ASTN2: variants seen among roughly 807,000 people sequenced by gnomAD.
The protein encoded by ASTN2 is astrotactin-2.
ASTN2 carries 54 observed loss-of-function variants against 139.8 expected under a neutral mutation model. That is an observed-to-expected ratio of 0.39 (90% CI 0.31 to 0.48). ASTN2 has a LOEUF of 0.48. Ranked by LOEUF, ASTN2 falls within the 20% of genes least tolerant of loss-of-function variation. The pLI, the probability that ASTN2 is intolerant of heterozygous loss-of-function variation, is 0.95. For missense variants in ASTN2, 1,565 were observed against 1,725.1 expected (o/e 0.91, Z 1.64); for synonymous variants, 756 against 719.5 (o/e 1.05, Z -0.81).
At chr9:117,074,558 A>G (rs552812814) in intron 5 of ASTN2, among the ~76,000 whole-genome samples, 2 of 152,296 alleles carry the variant, frequency 1.3e-5, no homozygotes, top group South Asian at 4.1e-4. Context: ...GAATGGAAGT[A>G]AAGGCTAGAG....
chr9:116,824,764 G>A (rs1831578948), intron 11 of ASTN2, among the ~76,000 whole-genome samples: 1 of 152,202 alleles, frequency 6.6e-6, no homozygotes, highest in East Asian at 1.9e-4. Flanking sequence ...AATGTATGCA[G>A]TACTTAGCAC....
intron 1 of ASTN2, among the ~76,000 whole-genome samples, chr9:117,302,377 C>T (rs1834898157): frequency 6.6e-6 from 1 of 152,124 alleles, no homozygotes; most frequent in South Asian, 2.1e-4. Context: ...AATCACACAG[C>T]ATCATGATGC....
At chr9:116,737,274 G>A (rs1342014026) in intron 13 of ASTN2, among the ~76,000 whole-genome samples, 1 of 152,154 alleles carries the variant, frequency 6.6e-6, no homozygotes, top group African/African-American at 2.4e-5. Flanking sequence ...AGCTGTTTCG[G>A]GAGGCAAAAC....
intron 1 of ASTN2, among the ~76,000 whole-genome samples, chr9:117,297,388 G>A (rs938967685): frequency 4.6e-5 from 7 of 152,200 alleles, no homozygotes; most frequent in Non-Finnish European, 8.8e-5. Context: ...AAGTCTTGCT[G>A]AGTGAGCCTG....
chr9:116,996,601 T>C (rs576849535), intron 7 of ASTN2, among the ~76,000 whole-genome samples: 35 of 151,826 alleles, frequency 2.3e-4, no homozygotes, highest in Non-Finnish European at 3.1e-4. Context: ...TTATAAGAAG[T>C]GGGGCTGGAT....
At chr9:117,074,352 A>G in intron 5 of ASTN2, among the ~76,000 whole-genome samples, 1 of 152,192 alleles carries the variant, frequency 6.6e-6, no homozygotes, top group South Asian at 2.1e-4. Flanking sequence ...ATGCCACCAC[A>G]GTGACATTTG....
intron 19 of ASTN2, among the ~76,000 whole-genome samples, chr9:116,590,264 C>A (rs567455273): frequency 6.6e-6 from 1 of 152,226 alleles, no homozygotes; most frequent in African/African-American, 2.4e-5. Context: ...CCCCTTCCCC[C>A]ACAGGCTCAG....
At chr9:116,637,401 A>G (rs1489715761) in intron 17 of ASTN2, among the ~76,000 whole-genome samples, 2 of 152,362 alleles carry the variant, frequency 1.3e-5, no homozygotes, top group East Asian at 3.9e-4. Flanking sequence ...AAACAATTGT[A>G]TAAGGTAGAT....
At chr9:117,242,303 A>C (rs1833239347) in intron 2 of ASTN2, among the ~76,000 whole-genome samples, 1 of 152,092 alleles carries the variant, frequency 6.6e-6, no homozygotes, top group Non-Finnish European at 1.5e-5. Flanking sequence ...TATAACCTAT[A>C]AATATATCTC....
intron 2 of ASTN2, among the ~76,000 whole-genome samples, chr9:117,270,325 G>A (rs1373169110): frequency 1.3e-5 from 2 of 152,118 alleles, no homozygotes; most frequent in Non-Finnish European, 2.9e-5. Context: ...TATACCTGTT[G>A]GGTAATAGCT....
chr9:116,665,417 G>A (rs867189863), intron 16 of ASTN2, among the ~76,000 whole-genome samples: 1 of 152,220 alleles, frequency 6.6e-6, no homozygotes, highest in Middle Eastern at 3.4e-3. Context: ...TGAAATTTCA[G>A]TTGGAAATCA....
At chr9:116,648,518 C>T (rs753760485) in intron 17 of ASTN2, among the ~76,000 whole-genome samples, 1 of 152,044 alleles carries the variant, frequency 6.6e-6, no homozygotes, top group African/African-American at 2.4e-5. Context: ...CTATCCTGAC[C>T]CTGCAGCTGG....
At chr9:117,325,008 A>C (rs1828467739) in intron 1 of ASTN2, among the ~76,000 whole-genome samples, 1 of 152,146 alleles carries the variant, frequency 6.6e-6, no homozygotes, top group African/African-American at 2.4e-5. Flanking sequence ...GAATTCTGAG[A>C]GGCGGTGATG....
intron 10 of ASTN2, among the ~76,000 whole-genome samples, chr9:116,942,244 C>G (rs902978914): frequency 1.3e-5 from 2 of 152,072 alleles, no homozygotes; most frequent in Non-Finnish European, 2.9e-5. Flanking sequence ...TTCAGCTAAG[C>G]CTAGGCCCTC....
chr9:117,180,965 T>C (rs983192926), intron 3 of ASTN2: 9 of 1,597,050 alleles, frequency 5.6e-6, no homozygotes, highest in Non-Finnish European at 7.6e-6. Flanking sequence ...ATGTGAACCC[T>C]GGTCACAGTG....
At chr9:117,373,436 A>G (rs1830039384) in intron 1 of ASTN2, among the ~76,000 whole-genome samples, 1 of 152,176 alleles carries the variant, frequency 6.6e-6, no homozygotes, top group African/African-American at 2.4e-5. Context: ...GGTGCCTTGT[A>G]TTTAACAGAT....
chr9:116,610,963 T>C (rs998251243), intron 19 of ASTN2: 2 of 152,102 alleles, frequency 1.3e-5, no homozygotes, highest in Admixed American at 6.6e-5. Context: ...CTAACAGGCA[T>C]TTATAAAATA....
At chr9:116,793,352 A>C (rs1421774250) in intron 13 of ASTN2, among the ~76,000 whole-genome samples, 2 of 152,210 alleles carry the variant, frequency 1.3e-5, no homozygotes, top group African/African-American at 4.8e-5. Context: ...TTCAGCAGGA[A>C]CGGGGGACAC....
At chr9:116,520,023 C>A (rs571419526) in intron 19 of ASTN2, among the ~76,000 whole-genome samples, 1 of 152,010 alleles carries the variant, frequency 6.6e-6, no homozygotes, top group Non-Finnish European at 1.5e-5. Flanking sequence ...TAAAAACTAC[C>A]AACAAGAAAT....
Sources: allele counts gnomAD v4.1 joint callset (sites outside exome capture counted in the v4.1 genomes callset), GRCh38; gene constraint gnomAD v4.1.1; transcripts MANE v1.5; gene names NCBI Gene and HGNC (gene_info 2026-07-23, HGNC 2026-07-21).